Variants in TTC21A observed in about 807,000 individuals in gnomAD.
The protein encoded by TTC21A is tetratricopeptide repeat protein 21A.
Under a neutral mutation model 156.4 loss-of-function variants are expected in TTC21A, and 128 were observed. That is an observed-to-expected ratio of 0.82 (90% CI 0.71 to 0.95). The LOEUF (loss-of-function observed/expected upper bound fraction) is 0.95, where lower values mean the gene tolerates loss of function less well. Ranked by LOEUF, TTC21A falls within the 40% of genes least tolerant of loss-of-function variation. TTC21A has a pLI of 0.00. For missense variants in TTC21A, 1,435 were observed against 1,602.3 expected, an observed-to-expected ratio of 0.90 and a Z score of 1.78; for synonymous variants, 587 against 617.1, an observed-to-expected ratio of 0.95 and a Z score of 0.72.
Position 39,110,157 on chromosome 3 carries a change from C to G in TTC21A, c.268+18C>G. 1 of 1,586,134 alleles carries G rather than the reference C, an allele frequency of 6.3e-7. No homozygotes were observed. ...AATCATTGGTGAGTGCCACCATGCT[C>G]AACCAGGCCTGACCCACCAGGGGAA... On this transcript the variant is annotated intron_variant, in intron 3 of 28. Transcript: ENST00000683103.
intron 6 of TTC21A, 125 bp downstream of exon 6, chr3:39,114,867 A>T: frequency 9.0e-7 from 1 of 1,109,366 alleles, no homozygotes; most frequent in South Asian, 1.5e-5. Flanking sequence ...GAATTGTGCT[A>T]TGGCCAAATT....
chr3:39,138,528 CCAT>C, intron 27 of TTC21A, 25 bp from the exon 28 acceptor site: 1 of 1,614,148 alleles, frequency 6.2e-7, no homozygotes, highest in Non-Finnish European at 8.5e-7. Context: ...CAGGGTGCCA[CCAT>C]CTTTGCTCTC....
chr3:39,132,560 CCTA>C (rs1559710593), intron 19 of TTC21A, among the ~76,000 whole-genome samples: 1 of 152,230 alleles, frequency 6.6e-6, no homozygotes, highest in Non-Finnish European at 1.5e-5. Flanking sequence ...AGTGCTGATT[CCTA>C]CCCATGTCCT....
chr3:39,131,879 CCTAA>C (rs1318514218), intron 19 of TTC21A, among the ~76,000 whole-genome samples: 1 of 152,140 alleles, frequency 6.6e-6, no homozygotes, highest in African/African-American at 2.4e-5. Context: ...TCTCAAAGGC[CCTAA>C]CTTTCAATAC....
chr3:39,118,314 T>A (rs2037464476), intron 7 of TTC21A, 161 bp downstream of exon 7: 1 of 675,106 alleles, frequency 1.5e-6, no homozygotes, highest in African/African-American at 1.8e-5. Context: ...AGGCCTGCTC[T>A]GGTTTGACTC....
chr3:39,107,772 C>T lies in TTC21A; in HGVS notation c.-66C>T. ...CCGCCGCGATAGAGTGCCCACGACCCTGCCTCGGGAATCCCGCTCTGCACC... is the reference window on the plus strand; with the variant it reads ...CCGCCGCGATAGAGTGCCCACGACCTTGCCTCGGGAATCCCGCTCTGCACC... On this transcript the variant is annotated 5_prime_UTR_variant, in exon 1 of 29. Coordinates refer to ENST00000683103, the MANE Select transcript of TTC21A (RefSeq NM_001366900.1). The T allele has an allele frequency of 6.2e-7, 1 of 1,607,126 alleles. No homozygotes were observed.
chr3:39,128,238 G>A, intron 12 of TTC21A, 93 bp from the exon 13 acceptor site: 1 of 1,394,756 alleles, frequency 7.2e-7, no homozygotes, highest in Non-Finnish European at 9.9e-7. Flanking sequence ...TATTTCTGGG[G>A]AACAGGACAT....
rs2038836063 is a variant in TTC21A, at chr3:39,132,888, G to A, written c.2563-164G>A. On this transcript the variant is annotated intron_variant, in intron 19 of 28. Transcript: ENST00000683103. ...GAGGCAGTGCCAGCTTGCCTCATGTGTACTCAGCCAGTGGCTTTGCCTATT... is the reference window on the plus strand; with the variant it reads ...GAGGCAGTGCCAGCTTGCCTCATGTATACTCAGCCAGTGGCTTTGCCTATT... 5.9e-6 allele frequency: 4 copies of A among 678,856 alleles called. No individual in the cohort carries two copies. In the Admixed American group the frequency reaches 8.6e-5, roughly 15 times the overall value. The allele number at this position is 678,856 out of a possible 1,614,324, so 42.1% of individuals were successfully genotyped here.
At chr3:39,111,638 C>T (rs926729527) in intron 4 of TTC21A, among the ~76,000 whole-genome samples, 1 of 152,078 alleles carries the variant, frequency 6.6e-6, no homozygotes, top group Non-Finnish European at 1.5e-5. Flanking sequence ...GACATGGTCC[C>T]TGGGGGAGAG....
At chr3:39,122,356 C>T (rs2037845481) in intron 9 of TTC21A, among the ~76,000 whole-genome samples, 1 of 150,576 alleles carries the variant, frequency 6.6e-6, no homozygotes, top group Non-Finnish European at 1.5e-5. Flanking sequence ...GCAGCGTGGA[C>T]CAGAAACTTT....
At chr3:39,137,432 G>T in intron 25 of TTC21A, 45 bp downstream of exon 25, 2 of 1,611,094 alleles carry the variant, frequency 1.2e-6, no homozygotes, top group South Asian at 2.2e-5. Context: ...TGGCAGGGCC[G>T]AGAAGACCAG....
intron 11 of TTC21A, 121 bp downstream of exon 11, chr3:39,125,653 G>A: frequency 1.3e-6 from 1 of 755,464 alleles, no homozygotes; most frequent in Non-Finnish European, 2.3e-6. Context: ...GGTGAGCCTT[G>A]GGCAGCTGGG....
At chr3:39,127,941 G>GTAAATTGTAACTATTATAATTACAATTA (rs2038402150) in intron 12 of TTC21A, among the ~76,000 whole-genome samples, 2 of 152,244 alleles carry the variant, frequency 1.3e-5, no homozygotes, top group Non-Finnish European at 2.9e-5. Context: ...ATTGAACATA[G>GTAAATTGTAACTATTATAATTACAATTA]AGCAGGAGCT....
rs774083944 is a variant in TTC21A, at chr3:39,138,624, G to C, written c.3864+1G>C. On this transcript the variant is annotated splice_donor_variant, in intron 28 of 28. Coordinates refer to ENST00000683103, the MANE Select transcript of TTC21A (RefSeq NM_001366900.1). LOFTEE classifies it high-confidence loss of function. ...GGAGGCCATTGAAATCTGCAACGAT[G>C]TAAGCCAGCAGCCTTGGTGGGGAGG... 5.0e-6 allele frequency: 8 copies of C among 1,614,244 alleles called. No individual in the cohort carries two copies. Among genetic ancestry groups the C allele is most frequent in the Non-Finnish European group, 6.8e-6 (8 of 1,180,046 alleles).
intron 5 of TTC21A, among the ~76,000 whole-genome samples, 196 bp from the exon 6 acceptor site, chr3:39,114,389 G>C (rs1338522717): frequency 2.0e-5 from 3 of 152,122 alleles, no homozygotes; most frequent in Non-Finnish European, 4.4e-5. Context: ...GAGAACCCAA[G>C]ACTGTTGTAA....
intron 6 of TTC21A, among the ~76,000 whole-genome samples, chr3:39,115,813 A>G (rs1428160990): frequency 6.6e-6 from 1 of 152,194 alleles, no homozygotes; most frequent in Non-Finnish European, 1.5e-5. Flanking sequence ...ACTGAATTAT[A>G]GGGAAATATA....
At position 39,121,005 on chromosome 3, in the gene TTC21A, T is replaced by C. The variant is rs746149845; in HGVS notation, c.909T>C (p.Ser303=). The C allele has an allele frequency of 2.4e-5, 39 of 1,603,128 alleles. No individual in the cohort carries two copies. The South Asian group carries it at 4.2e-4, about 17-fold the overall frequency. The change falls in exon 9 of 29, where the codon AGT becomes AGC. Residue 303 remains serine, a synonymous_variant. Coordinates refer to ENST00000683103, the MANE Select transcript of TTC21A (RefSeq NM_001366900.1). ...KIIVVSRLCG[S]HQVILGLVCS... ...CTTCCTGTTTCTTGCAGTGTGGGAG[T>C]CACCAGGTGATTCTAGGGCTAGTGT...
Position 39,125,088 on chromosome 3 carries a change from A to G in TTC21A, c.1119A>G (p.Glu373=), listed in dbSNP as rs748514314. ...LTGIILCHIL[E]GHLEEAEYRL... ...GGATCATCTTGTGTCATATCTTAGA[A>G]GGCCACCTGGAGGAAGCTGAGTACC... is the stretch of plus-strand genomic sequence containing the variant. Residue 373 remains glutamate, a synonymous_variant, in exon 10 of 29, where the codon GAA becomes GAG. Coordinates refer to ENST00000683103, the MANE Select transcript of TTC21A (RefSeq NM_001366900.1). The G allele has an allele frequency of 1.7e-5, 27 of 1,613,910 alleles. No individual in the cohort carries two copies. In the South Asian group the frequency reaches 2.9e-4, roughly 17 times the overall value.
intron 15 of TTC21A, among the ~76,000 whole-genome samples, chr3:39,129,823 G>A (rs1425973699): frequency 6.6e-6 from 1 of 152,220 alleles, no homozygotes; most frequent in East Asian, 1.9e-4. Flanking sequence ...TCATGGAGAG[G>A]GATCTGGAGG....
Sources: gnomAD v4.1 joint callset for allele counts (sites outside exome capture counted in the v4.1 genomes callset) on GRCh38, gnomAD v4.1.1 for gene constraint, MANE v1.5 for transcripts, NCBI Gene and HGNC (gene_info 2026-07-23, HGNC 2026-07-21) for gene names.